DCLK1: variants seen among roughly 807,000 people sequenced by gnomAD.
The protein encoded by DCLK1 is serine/threonine-protein kinase DCLK1.
In DCLK1, 16 loss-of-function variants were observed where a neutral mutation model predicts 86.2. The observed-to-expected ratio is 0.19, with a 90% CI of 0.13 to 0.28. DCLK1 has a LOEUF of 0.28. Among genes scored for constraint, DCLK1 ranks in the 10% least tolerant of loss-of-function variants. The probability of loss-of-function intolerance (pLI) is 1.00; values close to 1 mark genes in which losing one functional copy is unlikely to be tolerated. For missense variants in DCLK1, 590 were observed against 940.2 expected (o/e 0.63, Z 4.87); for synonymous variants, 369 against 370.5 (o/e 1.00, Z 0.05).
chr13:36,044,273 A>G (rs1882796674), intron 3 of DCLK1, among the ~76,000 whole-genome samples: 1 of 152,222 alleles, frequency 6.6e-6, no homozygotes, highest in South Asian at 2.1e-4. Context: ...TGAGCCAAAT[A>G]AACCTCTTTT....
chr13:36,051,829 C>A (rs1883133440), intron 3 of DCLK1, among the ~76,000 whole-genome samples: 1 of 152,074 alleles, frequency 6.6e-6, no homozygotes, highest in Non-Finnish European at 1.5e-5. Context: ...GCTTTCTGAA[C>A]TTCAATACTT....
At chr13:35,816,693 T>C (rs1160553654) in intron 11 of DCLK1, among the ~76,000 whole-genome samples, 1 of 152,208 alleles carries the variant, frequency 6.6e-6, no homozygotes, top group African/African-American at 2.4e-5. Context: ...AACTCAGATA[T>C]GTCTGAGTCC....
intron 3 of DCLK1, among the ~76,000 whole-genome samples, chr13:35,990,418 A>T (rs1368731997): frequency 6.6e-6 from 1 of 151,828 alleles, no homozygotes; most frequent in Non-Finnish European, 1.5e-5. Context: ...TTCAGTCCCA[A>T]TTGGCTATTG....
At position 36,126,003 on chromosome 13, in the gene DCLK1, G is replaced by A. The variant is rs762436142; in HGVS notation, c.135C>T (p.Arg45=). The change falls in exon 2 of 17, where the codon CGC becomes CGT. Residue 45 remains arginine (R), a synonymous_variant. Transcript: ENST00000360631. ...HSAHCSFYRT[R]TLQTLSSEKK... Reference sequence around the variant, plus strand: ...TCTCGGAGCTGAGCGTCTGCAGCGTGCGGGTGCGGTAGAAGCTGCAGTGGG... The same window carrying A: ...TCTCGGAGCTGAGCGTCTGCAGCGTACGGGTGCGGTAGAAGCTGCAGTGGG... 2 of 1,613,980 alleles carry A rather than the reference G, an allele frequency of 1.2e-6. No individual in the cohort carries two copies. Among genetic ancestry groups the A allele is most frequent in the African/African-American group, 2.7e-5 (2 of 74,912 alleles).
chr13:36,105,038 A>T (rs1885340547), intron 3 of DCLK1, among the ~76,000 whole-genome samples: 2 of 152,130 alleles, frequency 1.3e-5, no homozygotes, highest in African/African-American at 4.8e-5. Flanking sequence ...TTATCACCCC[A>T]ATATTATGAG....
At chr13:35,928,087 G>A (rs1876227630) in intron 4 of DCLK1, among the ~76,000 whole-genome samples, 1 of 152,214 alleles carries the variant, frequency 6.6e-6, no homozygotes, top group South Asian at 2.1e-4. Flanking sequence ...GTGCTTTCCT[G>A]GGTTCTGTAA....
chr13:35,808,237 G>A lies in DCLK1; in HGVS notation c.1850C>T (p.Ser617Phe), dbSNP rs1760929230. 2 of 1,613,902 alleles carry A rather than the reference G, an allele frequency of 1.2e-6. 1 individual carries two copies. The highest frequency in any genetic ancestry group is 3.3e-5 in the Admixed American group (2 of 59,994). The change falls in exon 14 of 17, where the codon TCC becomes TTC. Residue 617 changes from serine to phenylalanine, a missense_variant. Ser to Phe is a radical substitution (Grantham distance 155). Around this residue, in one of 6 missense-constraint regions of DCLK1, gnomAD observed 146 missense variants for 190.2 expected, o/e 0.77. Coordinates refer to ENST00000360631, the MANE Select transcript of DCLK1 (RefSeq NM_001330071.2). ...DFPSPYWDNVSDSAKELITMM... is the reference protein window; with the variant it reads ...DFPSPYWDNVFDSAKELITMM... ...CTGGACACCTACCTTTGCAGAATCGGAAACATTATCCCAGTATGGAGAAGG... is the reference window on the plus strand; with the variant it reads ...CTGGACACCTACCTTTGCAGAATCGAAAACATTATCCCAGTATGGAGAAGG...
chr13:35,962,996 C>A, intron 3 of DCLK1, among the ~76,000 whole-genome samples: 1 of 152,158 alleles, frequency 6.6e-6, no homozygotes, highest in Non-Finnish European at 1.5e-5. Flanking sequence ...TTATAGGACA[C>A]CTCCTTGACT....
At chr13:35,923,144 G>A (rs1490008014) in intron 4 of DCLK1, among the ~76,000 whole-genome samples, 1 of 152,154 alleles carries the variant, frequency 6.6e-6, no homozygotes, top group Non-Finnish European at 1.5e-5. Flanking sequence ...AAGAATGCAG[G>A]AACTCCAGCG....
At chr13:35,840,447 G>A (rs1869710507) in intron 6 of DCLK1, among the ~76,000 whole-genome samples, 1 of 152,164 alleles carries the variant, frequency 6.6e-6, no homozygotes, top group Non-Finnish European at 1.5e-5. Context: ...TGTCCCATTG[G>A]TCAGGTTCAT....
chr13:36,042,183 C>A (rs952998281), intron 3 of DCLK1, among the ~76,000 whole-genome samples: 10 of 152,160 alleles, frequency 6.6e-5, no homozygotes, highest in African/African-American at 2.4e-4. Context: ...AGTTTTACAT[C>A]CTGATTGAGG....
chr13:35,941,632 G>T (rs570612913), intron 4 of DCLK1, among the ~76,000 whole-genome samples: 12 of 152,206 alleles, frequency 7.9e-5, no homozygotes, highest in South Asian at 4.2e-4. Context: ...CGCACGCTGC[G>T]TCTCAAAAGT....
At chr13:36,079,667 A>G (rs995223772) in intron 3 of DCLK1, among the ~76,000 whole-genome samples, 3 of 152,178 alleles carry the variant, frequency 2.0e-5, no homozygotes, top group African/African-American at 7.2e-5. Flanking sequence ...TCTGAAGACT[A>G]GAGTACTTAG....
intron 6 of DCLK1, chr13:35,845,827 A>C: frequency 1.4e-6 from 1 of 730,460 alleles, no homozygotes; most frequent in Non-Finnish European, 1.7e-6. Flanking sequence ...GGTCACCCTT[A>C]TCCCACATGT....
intron 4 of DCLK1, among the ~76,000 whole-genome samples, chr13:35,896,693 C>G (rs1301288433): frequency 6.6e-6 from 1 of 151,950 alleles, no homozygotes; most frequent in Non-Finnish European, 1.5e-5. Context: ...TCCCTCGTGT[C>G]TCTTCTGCAC....
intron 11 of DCLK1, among the ~76,000 whole-genome samples, chr13:35,822,491 G>T (rs2087419038): frequency 6.6e-6 from 1 of 152,054 alleles, no homozygotes; most frequent in Non-Finnish European, 1.5e-5. Context: ...CCCTTCGCGA[G>T]TTCAATTCCC....
chr13:35,971,779 A>C (rs1473735461), intron 3 of DCLK1, among the ~76,000 whole-genome samples: 1 of 151,656 alleles, frequency 6.6e-6, no homozygotes, highest in Non-Finnish European at 1.5e-5. Flanking sequence ...AAAAAAAAAA[A>C]TTCCATAGTA....
chr13:35,931,515 G>A (rs1376865284), intron 4 of DCLK1, among the ~76,000 whole-genome samples: 2 of 152,108 alleles, frequency 1.3e-5, no homozygotes, highest in Non-Finnish European at 2.9e-5. Flanking sequence ...GGCTGTATTT[G>A]GACAAGTTTG....
chr13:35,835,480 G>GCTAA (rs1466480547), intron 8 of DCLK1, among the ~76,000 whole-genome samples: 2 of 152,178 alleles, frequency 1.3e-5, no homozygotes, highest in African/African-American at 4.8e-5. Flanking sequence ...GTAGCCACCA[G>GCTAA]CTAACGTCCT....
Sources: gnomAD v4.1 joint callset for allele counts (sites outside exome capture counted in the v4.1 genomes callset) on GRCh38, gnomAD v4.1.1 for gene constraint, gnomAD v4.1.1 regional missense constraint, MANE v1.5 for transcripts, NCBI Gene and HGNC (gene_info 2026-07-23, HGNC 2026-07-21) for gene names.